MYL10: variants seen among roughly 807,000 people sequenced by gnomAD.
MYL10 encodes the protein myosin regulatory light chain 10.
Under a neutral mutation model 21.9 loss-of-function variants are expected in MYL10, and 18 were observed. The ratio of observed to expected loss-of-function variants is 0.82; its 90% CI spans 0.57 to 1.22. The LOEUF is 1.22. MYL10 is among the 50% of genes most tolerant of loss of function. MYL10 has a pLI of 0.00. For synonymous variants in MYL10, 88 were observed against 82.8 expected (o/e 1.06, Z -0.34); for missense variants, 225 against 230.4 (o/e 0.98, Z 0.15).
intron 5 of MYL10, among the ~76,000 whole-genome samples, chr7:101,617,716 T>C (rs1435413338): frequency 2.0e-5 from 3 of 151,728 alleles, no homozygotes; most frequent in Non-Finnish European, 4.4e-5. Flanking sequence ...TCAGATTAGA[T>C]CAGGGCCTCA....
intron 1 of MYL10, among the ~76,000 whole-genome samples, chr7:101,626,664 C>T (rs575193965): frequency 1.3e-5 from 2 of 152,302 alleles, no homozygotes; most frequent in East Asian, 3.9e-4. Context: ...GCCCCAAATA[C>T]TGACCCCCGG....
chr7:101,613,410 G>A lies in MYL10; in HGVS notation c.*65C>T. On this transcript the variant is annotated 3_prime_UTR_variant, in exon 8 of 8. Transcript: ENST00000223167. Reference sequence around the variant, plus strand: ...TTTTTCCTGCAGCCTCTGGCTGCAAGAGCTCCCTGTCACACCCCACAACAG... The same window carrying A: ...TTTTTCCTGCAGCCTCTGGCTGCAAAAGCTCCCTGTCACACCCCACAACAG... The A allele has an allele frequency of 1.4e-6, 2 of 1,389,560 alleles. No individual in the cohort carries two copies. Among genetic ancestry groups the A allele is most frequent in the Admixed American group, 3.4e-5 (2 of 58,768 alleles). The allele number at this position is 1,389,560 out of a possible 1,614,324, so 86.1% of individuals were successfully genotyped here. A position where few individuals can be genotyped will look rare whatever the true frequency, so the allele number is the denominator to read the frequency against.
Position 101,624,015 on chromosome 7 carries a change from C to A in MYL10, c.178G>T (p.Ala60Ser). Residue 60 changes from alanine (A) to serine (S), a missense_variant, in exon 3 of 8, where the codon GCT (alanine) becomes TCT (serine). By Grantham distance (99) the Ala-to-Ser change is moderately conservative (BLOSUM62 1). Coordinates refer to ENST00000223167, the MANE Select transcript of MYL10 (RefSeq NM_138403.5). ...SQIQEFKESL[A>S]LSPRLERNGM... ...TTGCGCTCCAGCCTGGGCGACAGAG[C>A]CAGACTCTGTCAAACAAACAAATAA... 1.6e-6 allele frequency: 1 copy of A among 625,240 alleles called. No homozygotes were observed. 38.7% of individuals were successfully genotyped at this position (625,240 alleles called of 1,614,324 possible). A position where few individuals can be genotyped will look rare whatever the true frequency, so the allele number is the denominator to read the frequency against.
chr7:101,622,232 A>T, intron 4 of MYL10, 32 bp from the exon 5 acceptor site: 1 of 1,543,944 alleles, frequency 6.5e-7, no homozygotes, highest in Non-Finnish European at 8.9e-7. Flanking sequence ...GGCAGGGAGG[A>T]TAAGAGAGAT....
intron 6 of MYL10, among the ~76,000 whole-genome samples, chr7:101,614,709 C>T (rs1796588396): frequency 1.3e-5 from 2 of 152,130 alleles, no homozygotes; most frequent in Non-Finnish European, 2.9e-5. Flanking sequence ...CCCTCAGCAT[C>T]CCCTCCCCAT....
intron 5 of MYL10, among the ~76,000 whole-genome samples, chr7:101,620,030 G>A (rs977072866): frequency 3.3e-5 from 5 of 152,010 alleles, no homozygotes; most frequent in Admixed American, 6.6e-5. Context: ...TGAATCCAAC[G>A]GCAGGTAGAG....
Position 101,622,173 on chromosome 7 carries a change from A to T in MYL10, c.377T>A (p.Leu126Gln). ...GGGGGCCTCCTTCACCATGGCCTCC[A>T]GTTCCTCGTTCTTGACATTGATGCG... ...LGRINVKNEE[L>Q]EAMVKEAPGP... is the part of the protein sequence containing the mutation. Residue 126 changes from leucine (L) to glutamine (Q), a missense_variant, in exon 5 of 8, where the codon CTG (leucine) becomes CAG (glutamine). Leu to Gln is a moderately radical substitution (Grantham distance 113, BLOSUM62 -2). Coordinates refer to ENST00000223167, the MANE Select transcript of MYL10 (RefSeq NM_138403.5). 6.2e-7 allele frequency: 1 copy of T among 1,613,172 alleles called. No individual in the cohort carries two copies. The highest frequency in any genetic ancestry group is 8.5e-7 in the Non-Finnish European group (1 of 1,179,468).
intron 6 of MYL10, 85 bp downstream of exon 6, chr7:101,616,135 G>A: frequency 8.8e-7 from 1 of 1,130,538 alleles, no homozygotes; most frequent in East Asian, 2.4e-5. Flanking sequence ...TTCTGGGAGA[G>A]GAGACTGGGC....
intron 1 of MYL10, among the ~76,000 whole-genome samples, chr7:101,628,103 G>A (rs936515527): frequency 1.3e-5 from 2 of 152,360 alleles, no homozygotes; most frequent in Middle Eastern, 3.4e-3. Flanking sequence ...CCCCAGGCCA[G>A]GGGACCCCCT....
chr7:101,622,848 CT>C (rs1199050159), intron 4 of MYL10, 148 bp downstream of exon 4: 10 of 665,082 alleles, frequency 1.5e-5, no homozygotes, highest in South Asian at 8.0e-5. Flanking sequence ...AGGTCCCCCC[CT>C]GACTTTCCAG....
At chr7:101,625,142 C>A (rs1231390086) in intron 1 of MYL10, among the ~76,000 whole-genome samples, 1 of 152,190 alleles carries the variant, frequency 6.6e-6, no homozygotes, top group Non-Finnish European at 1.5e-5. Context: ...GAACTCAGGG[C>A]CAACCCACGC....
rs762848221 is a variant in MYL10 at position 101,624,035 on chromosome 7, A to G, written c.172-14T>C. 2 of 653,202 alleles carry G rather than the reference A, an allele frequency of 3.1e-6. No homozygotes were observed. Among genetic ancestry groups the G allele is most frequent in the East Asian group, 5.7e-5 (2 of 35,118 alleles). The allele number at this position is 653,202 out of a possible 1,614,324, so 40.5% of individuals were successfully genotyped here. A position where few individuals can be genotyped will look rare whatever the true frequency, so the allele number is the denominator to read the frequency against. On this transcript the variant is annotated splice_polypyrimidine_tract_variant and intron_variant, in intron 2 of 7. Coordinates refer to ENST00000223167, the MANE Select transcript of MYL10 (RefSeq NM_138403.5). ...CAGAGCCAGACTCTGTCAAACAAAC[A>G]AATAATAATAATAATAATAGTAATA...
intron 3 of MYL10, 120 bp from the exon 4 acceptor site, chr7:101,623,192 C>T: frequency 1.2e-6 from 1 of 820,182 alleles, no homozygotes. Flanking sequence ...CTCTGGCAGC[C>T]CAGCTGGGAT....
chr7:101,618,543 C>T (rs1796636156), intron 5 of MYL10, among the ~76,000 whole-genome samples: 1 of 152,190 alleles, frequency 6.6e-6, no homozygotes, highest in African/African-American at 2.4e-5. Flanking sequence ...GCTGGCAGTC[C>T]TCCCTTCTCT....
At position 101,613,471 on chromosome 7, in the gene MYL10, T is replaced by A. The variant is rs1284556995; in HGVS notation, c.*4A>T. ...CCCTGAATGTCGGGGAGACTTGTGA[T>A]CCCCTAATCCTTCTCTTCACCGTGA... is the stretch of plus-strand genomic sequence containing the variant. On this transcript the variant is annotated 3_prime_UTR_variant, in exon 8 of 8. Transcript: ENST00000223167. 1 of 1,612,828 alleles carries A rather than the reference T, an allele frequency of 6.2e-7. No individual in the cohort carries two copies. Among genetic ancestry groups the A allele is most frequent in the South Asian group, 1.1e-5 (1 of 91,052 alleles).
rs761029953 is a variant in MYL10, at chr7:101,622,118, G to T, written c.432C>A (p.Thr144=). ...PGPINFTVFL[T]MFGEKLKGTD... ...CACCCTTCAGCTTCTCCCCAAACAT[G>T]GTCAGGAACACCGTGAAGTTGATGG... The change falls in exon 5 of 8, where the codon ACC becomes ACA. Residue 144 remains threonine, a synonymous_variant. Transcript: ENST00000223167. 17 of 1,613,522 alleles carry T rather than the reference G, an allele frequency of 1.1e-5. No individual in the cohort carries two copies. The East Asian group carries it at 3.1e-4, about 30-fold the overall frequency.
At chr7:101,616,635 C>T (rs1428244177) in intron 5 of MYL10, among the ~76,000 whole-genome samples, 2 of 152,216 alleles carry the variant, frequency 1.3e-5, no homozygotes, top group African/African-American at 4.8e-5. Flanking sequence ...AAAGCTGAGA[C>T]CCAGAGAAGT....
chr7:101,620,830 C>T (rs894000023), intron 5 of MYL10, among the ~76,000 whole-genome samples: 24 of 150,310 alleles, frequency 1.6e-4, no homozygotes, highest in African/African-American at 4.9e-4. Context: ...TCTCTGTCAC[C>T]CAGGCTGGAG....
chr7:101,613,441 GC>G lies in MYL10; in HGVS notation c.*33del, dbSNP rs1371455219. ...CCTGTCACACCCCACAACAGTGTTT[GC>G]TGCCCCTGAATGTCGGGGAGACTTG... is the stretch of plus-strand genomic sequence containing the variant. On this transcript the variant is annotated 3_prime_UTR_variant, in exon 8 of 8. Coordinates refer to ENST00000223167, the MANE Select transcript of MYL10 (RefSeq NM_138403.5). 6 of 1,574,300 alleles carry G rather than the reference GC, an allele frequency of 3.8e-6. No individual in the cohort carries two copies. In the Admixed American group the frequency reaches 8.3e-5, roughly 22 times the overall value.
Sources: allele counts gnomAD v4.1 joint callset (sites outside exome capture counted in the v4.1 genomes callset), GRCh38; gene constraint gnomAD v4.1.1; transcripts MANE v1.5; gene names NCBI Gene and HGNC (gene_info 2026-07-23, HGNC 2026-07-21).